ANO3: variants seen among roughly 807,000 people sequenced by gnomAD.
ANO3 encodes anoctamin-3.
A neutral mutation model predicts 144.8 loss-of-function variants in ANO3; 99 were observed. The observed-to-expected ratio is 0.68, with a 90% CI of 0.58 to 0.81. The LOEUF (loss-of-function observed/expected upper bound fraction) is 0.81. ANO3 is among the 30% of genes least tolerant of loss of function. The pLI is 0.00. For missense variants in ANO3, 905 were observed against 1,202.2 expected (o/e 0.75, Z 3.66); for synonymous variants, 414 against 392.6 (o/e 1.05, Z -0.64).
chr11:26,585,067 CCTT>C (rs1393404942), intron 14 of ANO3, among the ~76,000 whole-genome samples: 1 of 152,168 alleles, frequency 6.6e-6, no homozygotes, highest in Non-Finnish European at 1.5e-5. Flanking sequence ...ACAAAAATGT[CCTT>C]CTCCTATGGA....
At chr11:26,533,822 T>C (rs907643652) in intron 8 of ANO3, among the ~76,000 whole-genome samples, 1 of 152,310 alleles carries the variant, frequency 6.6e-6, no homozygotes, top group Middle Eastern at 3.4e-3. Context: ...CTTGACACAA[T>C]GGCGATTTAT....
intron 1 of ANO3, among the ~76,000 whole-genome samples, chr11:26,419,856 A>C (rs1234251225): frequency 6.6e-6 from 1 of 152,094 alleles, no homozygotes; most frequent in East Asian, 1.9e-4. Context: ...GTTGAAGAGG[A>C]AAGAAACAAA....
At chr11:26,198,686 C>G (rs1354345629) in intron 1 of ANO3, among the ~76,000 whole-genome samples, 1 of 152,094 alleles carries the variant, frequency 6.6e-6, no homozygotes, top group Non-Finnish European at 1.5e-5. Flanking sequence ...TATGAATATT[C>G]TAATGTTCTC....
chr11:26,598,878 T>A lies in ANO3; in HGVS notation c.1551T>A (p.Phe517Leu). 6.2e-7 allele frequency: 1 copy of A among 1,613,710 alleles called. No individual in the cohort carries two copies. Among genetic ancestry groups the A allele is most frequent in the Non-Finnish European group, 8.5e-7 (1 of 1,179,868 alleles). The stretch of plus-strand genomic sequence containing the variant: ...CATAGGAAACACTTCGTCCCCAGTT[T>A]GAAGCCAAGTATTACAAGATGGAGA... The part of the protein sequence containing the change: ...EEEEETLRPQ[F>L]EAKYYKMEIV... Residue 517 changes from phenylalanine (F) to leucine (L), a missense_variant, in exon 16 of 27, where the codon TTT becomes TTA. This residue lies in a region of ANO3 where 597 missense variants were observed against 865.1 expected (regional missense o/e 0.69). Coordinates refer to ENST00000256737, the MANE Select transcript of ANO3 (RefSeq NM_031418.4).
chr11:26,561,590 G>T (rs990788345), intron 14 of ANO3, among the ~76,000 whole-genome samples: 1 of 151,960 alleles, frequency 6.6e-6, no homozygotes, highest in African/African-American at 2.4e-5. Context: ...GTCACTTCTG[G>T]TGTAAAATTT....
At chr11:26,456,140 T>G (rs916857459) in intron 3 of ANO3, among the ~76,000 whole-genome samples, 16 of 152,166 alleles carry the variant, frequency 1.1e-4, no homozygotes, top group East Asian at 5.8e-4. Flanking sequence ...AACCTAGGCA[T>G]TACCATTCAG....
rs549118591 is a variant in ANO3, at chr11:26,641,266, A to G, written c.2142-630A>G. ...TTGTTCACTACAATAGCAGAATATA[A>G]TAATCACTAACACTTAGACTCCTCA... On this transcript the variant is annotated intron_variant, in intron 21 of 26. Coordinates refer to ENST00000256737, the MANE Select transcript of ANO3 (RefSeq NM_031418.4). Among the ~76,000 whole-genome samples the G allele has an allele frequency of 7.9e-5, 12 of 152,362 alleles. No individual in the cohort carries two copies. The South Asian group carries it at 2.5e-3, about 32-fold the overall frequency.
chr11:26,230,386 G>A (rs1312022078), intron 1 of ANO3, among the ~76,000 whole-genome samples: 1 of 152,124 alleles, frequency 6.6e-6, no homozygotes, highest in African/African-American at 2.4e-5. Context: ...GATAAGAAAG[G>A]GGTAGAGGGA....
intron 1 of ANO3, among the ~76,000 whole-genome samples, chr11:26,426,810 C>T (rs906891342): frequency 9.2e-5 from 14 of 152,208 alleles, no homozygotes; most frequent in Admixed American, 6.5e-4. Context: ...GCTGCAGCAA[C>T]GGTTGTGAAG....
At chr11:26,510,774 C>G (rs1423177549) in intron 5 of ANO3, among the ~76,000 whole-genome samples, 1 of 152,164 alleles carries the variant, frequency 6.6e-6, no homozygotes, top group Admixed American at 6.5e-5. Flanking sequence ...GTTTTCTTGC[C>G]AGAAAGCTCA....
chr11:26,594,179 C>T lies in ANO3; in HGVS notation c.1448-4186C>T, dbSNP rs187429285. 1.6e-3 allele frequency among the ~76,000 whole-genome samples: 244 copies of T among 152,268 alleles called. 1 individual carries two copies. The highest frequency in any genetic ancestry group is 9.0e-4 in the Non-Finnish European group (61 of 68,026). On this transcript the variant is annotated intron_variant, in intron 14 of 26. Coordinates refer to ENST00000256737, the MANE Select transcript of ANO3 (RefSeq NM_031418.4). ...AGTCTTCTTCCTAGTTTTCCTTAGTCCTTCTAGCATGCAAGTTAGCAAATG... is the reference window on the plus strand; with the variant it reads ...AGTCTTCTTCCTAGTTTTCCTTAGTTCTTCTAGCATGCAAGTTAGCAAATG...
intron 1 of ANO3, among the ~76,000 whole-genome samples, chr11:26,390,487 A>G (rs1440514164): frequency 6.6e-6 from 1 of 152,030 alleles, no homozygotes; most frequent in Non-Finnish European, 1.5e-5. Flanking sequence ...AATATCCACC[A>G]GTGTATTTGG....
chr11:26,603,039 G>A (rs2132941419), intron 17 of ANO3, among the ~76,000 whole-genome samples: 1 of 152,168 alleles, frequency 6.6e-6, no homozygotes, highest in Non-Finnish European at 1.5e-5. Flanking sequence ...CTTATCATAG[G>A]CACCGTATTA....
intron 18 of ANO3, among the ~76,000 whole-genome samples, chr11:26,633,997 G>T (rs962454082): frequency 2.0e-5 from 3 of 149,818 alleles, no homozygotes; most frequent in Non-Finnish European, 3.0e-5. Context: ...AGAATTGCTT[G>T]AACCTGGGAG....
At chr11:26,336,977 A>C (rs1399732893) in intron 1 of ANO3, among the ~76,000 whole-genome samples, 1 of 152,200 alleles carries the variant, frequency 6.6e-6, no homozygotes, top group Non-Finnish European at 1.5e-5. Context: ...TATTAGAAAG[A>C]ATTGGGAGTC....
chr11:26,539,781 T>C (rs1328962482), intron 10 of ANO3, among the ~76,000 whole-genome samples: 7 of 152,190 alleles, frequency 4.6e-5, no homozygotes. Context: ...ATTAATTGCA[T>C]ACTTTCCATG....
intron 26 of ANO3, 81 bp from the exon 27 acceptor site, chr11:26,660,181 A>C: frequency 1.5e-6 from 2 of 1,302,248 alleles, no homozygotes; most frequent in Admixed American, 1.9e-5. Context: ...AGGCAAATGC[A>C]ACATTGTTCA....
At chr11:26,383,504 A>T (rs967152794) in intron 1 of ANO3, among the ~76,000 whole-genome samples, 1 of 119,762 alleles carries the variant, frequency 8.3e-6, no homozygotes, top group African/African-American at 2.7e-5. Flanking sequence ...TAGTAGATTG[A>T]CTGTCCTAGG....
chr11:26,391,981 G>T (rs899542509), intron 1 of ANO3, among the ~76,000 whole-genome samples: 1 of 216 alleles, frequency 4.6e-3, no homozygotes, highest in Non-Finnish European at 9.3e-3. Flanking sequence ...TCCAAAAAAT[G>T]TCGGAAAACA....
Sources: gnomAD v4.1 joint callset for allele counts (sites outside exome capture counted in the v4.1 genomes callset) on GRCh38, gnomAD v4.1.1 for gene constraint, gnomAD v4.1.1 regional missense constraint, MANE v1.5 for transcripts, NCBI Gene and HGNC (gene_info 2026-07-23, HGNC 2026-07-21) for gene names.